The following ERCC6 variants were observed in gnomAD, a reference collection of about 807,000 sequenced individuals.
The protein encoded by ERCC6 is DNA excision repair protein ERCC-6.
In ERCC6, 116 loss-of-function variants were observed where a neutral mutation model predicts 158.7. The observed-to-expected ratio is 0.73, with a 90% CI of 0.63 to 0.85. The LOEUF (loss-of-function observed/expected upper bound fraction) is 0.85. Ranked by LOEUF, ERCC6 falls within the 40% of genes least tolerant of loss-of-function variation. ERCC6 has a pLI of 0.00. For synonymous variants in ERCC6, 678 were observed against 659.3 expected, an observed-to-expected ratio of 1.03 and a Z score of -0.43; for missense variants, 1,698 against 1,799.4, an observed-to-expected ratio of 0.94 and a Z score of 1.02.
At chr10:49,534,155 C>CA (rs1282502477) in intron 1 of ERCC6, among the ~76,000 whole-genome samples, 24 of 100,468 alleles carry the variant, frequency 2.4e-4, no homozygotes, top group African/African-American at 5.3e-4. Context: ...AAAAAAAAAA[C>CA]AAAAAAAAAA....
chr10:49,470,291 T>G lies in ERCC6; in HGVS notation c.3669A>C (p.Pro1223=), dbSNP rs754040524. 19 of 1,614,036 alleles carry G rather than the reference T, an allele frequency of 1.2e-5. 1 individual carries two copies. The South Asian group carries it at 2.0e-4, about 17-fold the overall frequency. ...RDAKFEGTRI[P]HLVKKRRYQK... is the part of the protein sequence containing the mutation. ...GGTAACGCCTTTTCTTCACCAGGTG[T>G]GGAATTCGAGTTCCTTCAAACTTGG... Residue 1223 remains proline (P), a synonymous_variant, in exon 18 of 21, where the codon CCA becomes CCC. Coordinates refer to ENST00000355832, the MANE Select transcript of ERCC6 (RefSeq NM_000124.4).
chr10:49,478,532 C>A (rs1002126720), intron 10 of ERCC6, 62 bp from the exon 11 acceptor site: 5 of 963,762 alleles, frequency 5.2e-6, no homozygotes, highest in South Asian at 1.3e-5. Flanking sequence ...TTTGTTCTTA[C>A]CTCTCAATTG....
chr10:49,453,000 T>C (rs2132518279), downstream of ERCC6, among the ~76,000 whole-genome samples: 1 of 152,272 alleles, frequency 6.6e-6, no homozygotes. Context: ...AGTTGGAATG[T>C]ATTTTTAATC....
intron 10 of ERCC6, among the ~76,000 whole-genome samples, chr10:49,481,103 A>G (rs909439328): frequency 5.9e-5 from 9 of 152,238 alleles, no homozygotes; most frequent in Admixed American, 3.9e-4. Flanking sequence ...AAGGGGCATC[A>G]GATCTGCAAC....
In ERCC6 at chr10:49,470,357, T is replaced by C. The variant is rs551182653; in HGVS notation, c.3603A>G (p.Arg1201=). 45 of 1,614,202 alleles carry C rather than the reference T, an allele frequency of 2.8e-5. No individual in the cohort carries two copies. In the South Asian group the frequency reaches 4.4e-4, roughly 16 times the overall value. Reference sequence around the variant, plus strand: ...TAGAGTTCTTAGGCTTTTGCTTTGGTCTCAGATGTTTCTCCAGGGTCTCTT... The same window carrying C: ...TAGAGTTCTTAGGCTTTTGCTTTGGCCTCAGATGTTTCTCCAGGGTCTCTT... The part of the protein sequence containing the change: ...AEEETLEKHL[R]PKQKPKNSKH... The change falls in exon 18 of 21, where the codon AGA becomes AGG. Residue 1201 remains arginine, a synonymous_variant. Coordinates refer to ENST00000355832, the MANE Select transcript of ERCC6 (RefSeq NM_000124.4).
chr10:49,516,296 C>G (rs779776917), intron 5 of ERCC6: 4 of 1,614,112 alleles, frequency 2.5e-6, no homozygotes, highest in East Asian at 2.2e-5. Flanking sequence ...AATAAGGAAC[C>G]ATGAATTCAT....
At chr10:49,531,003 G>A (rs910380398) in intron 2 of ERCC6, among the ~76,000 whole-genome samples, 163 bp from the exon 3 acceptor site, 1 of 152,192 alleles carries the variant, frequency 6.6e-6, no homozygotes, top group African/African-American at 2.4e-5. Flanking sequence ...AATAAAACTT[G>A]TAGGATCATT....
intron 5 of ERCC6, among the ~76,000 whole-genome samples, chr10:49,519,621 A>G (rs1017006998): frequency 2.0e-5 from 3 of 151,958 alleles, no homozygotes; most frequent in Non-Finnish European, 2.9e-5. Flanking sequence ...ACTCCCCACT[A>G]TGTTTCCCTG....
intron 5 of ERCC6, chr10:49,515,929 TTTC>T: frequency 1.2e-5 from 20 of 1,614,138 alleles, no homozygotes; most frequent in Non-Finnish European, 1.6e-5. Context: ...AATGTGCCTC[TTTC>T]TTTTTTCTTT....
At position 49,520,926 on chromosome 10, in the gene ERCC6, A is replaced by G. The variant is rs115677159; in HGVS notation, c.1397+3107T>C. 4.7e-3 allele frequency among the ~76,000 whole-genome samples: 713 copies of G among 152,302 alleles called. 5 individuals carry two copies. The highest frequency in any genetic ancestry group is 0.016 in the African/African-American group (647 of 41,566). ...TGGAGTTTAGGGGCAAATGCGTAAC[A>G]TTGTTAATTTGGATAAGGGTCATAT... On this transcript the variant is annotated intron_variant, in intron 5 of 20. Transcript: ENST00000355832.
chr10:49,537,623 T>C (rs922618213), intron 1 of ERCC6, among the ~76,000 whole-genome samples: 5 of 152,006 alleles, frequency 3.3e-5, no homozygotes, highest in Admixed American at 6.6e-5. Context: ...TGGAGGTAGA[T>C]GTGGGGTCAA....
At chr10:49,472,789 A>G in intron 15 of ERCC6, 120 bp downstream of exon 15, 2 of 1,210,204 alleles carry the variant, frequency 1.7e-6, no homozygotes, top group Non-Finnish European at 2.3e-6. Flanking sequence ...AGAACAGGAG[A>G]CAATCAAAAT....
intron 5 of ERCC6, among the ~76,000 whole-genome samples, chr10:49,509,204 A>G (rs1415573052): frequency 6.6e-6 from 1 of 152,200 alleles, no homozygotes; most frequent in Non-Finnish European, 1.5e-5. Context: ...AGGATTAAAT[A>G]AGGTGTCACA....
At chr10:49,489,104 G>A (rs4253148) in intron 8 of ERCC6, among the ~76,000 whole-genome samples, 7 of 152,012 alleles carry the variant, frequency 4.6e-5, no homozygotes, top group African/African-American at 1.2e-4. Context: ...TTTTAACCAC[G>A]CCCTGCACTT....
At chr10:49,435,930 C>T in the ERCC6 span, among the ~76,000 whole-genome samples, 2 of 150,348 alleles carry the variant, frequency 1.3e-5, no homozygotes, top group Non-Finnish European at 3.0e-5. Flanking sequence ...ACCTGGGAGC[C>T]GGAGGAGGTT....
intron 6 of ERCC6, chr10:49,505,623 G>T: frequency 1.1e-5 from 4 of 374,022 alleles, no homozygotes; most frequent in Non-Finnish European, 1.9e-5. Context: ...TTTTAAATGT[G>T]TTGCTTTTAG....
chr10:49,490,618 G>A (rs1316452553), intron 8 of ERCC6, among the ~76,000 whole-genome samples: 1 of 152,134 alleles, frequency 6.6e-6, no homozygotes, highest in Non-Finnish European at 1.5e-5. Context: ...CTCCCAAAGT[G>A]CTGGGATTAC....
intron 6 of ERCC6, chr10:49,504,358 A>C (rs113463724): frequency 4.4e-4 from 67 of 152,310 alleles, no homozygotes; most frequent in African/African-American, 1.5e-3. Flanking sequence ...TAAAAAACGA[A>C]TATTATTTAT....
chr10:49,454,397 G>A (rs923378495), downstream of ERCC6, among the ~76,000 whole-genome samples: 4 of 152,198 alleles, frequency 2.6e-5, no homozygotes, highest in Non-Finnish European at 5.9e-5. Context: ...TTTCTTGGCT[G>A]CACCCACTGA....
Sources: gnomAD v4.1 joint callset for allele counts (sites outside exome capture counted in the v4.1 genomes callset) on GRCh38, gnomAD v4.1.1 for gene constraint, MANE v1.5 for transcripts, NCBI Gene and HGNC (gene_info 2026-07-23, HGNC 2026-07-21) for gene names.